Variants in STK33 observed in about 807,000 individuals in gnomAD.
STK33 encodes serine/threonine-protein kinase 33.
STK33 carries 52 observed loss-of-function variants against 58.0 expected under a neutral mutation model. The observed-to-expected ratio is 0.90, with a 90% CI of 0.72 to 1.13. The LOEUF (loss-of-function observed/expected upper bound fraction) is 1.13. Ranked by LOEUF, STK33 falls within the 50% of genes most tolerant of loss-of-function variation. The probability of loss-of-function intolerance (pLI) is 0.00; values close to 1 mark genes in which losing one functional copy is unlikely to be tolerated. For synonymous variants in STK33, 215 were observed against 200.1 expected (o/e 1.07, Z -0.63); for missense variants, 630 against 604.2 (o/e 1.04, Z -0.45).
intron 14 of STK33, among the ~76,000 whole-genome samples, chr11:8,430,592 G>A (rs1338084663): frequency 6.6e-6 from 1 of 152,130 alleles, no homozygotes; most frequent in South Asian, 2.1e-4. Context: ...TTGCTTAAAA[G>A]AATAATAGCT....
Position 8,571,572 on chromosome 11 carries a change from G to A in STK33, c.-466+22511C>T, listed in dbSNP as rs542126086. Among the ~76,000 whole-genome samples the A allele has an allele frequency of 9.9e-5, 15 of 152,242 alleles. No homozygotes were observed. In the East Asian group the frequency reaches 2.3e-3, roughly 24 times the overall value. ...AATGGGGCCAGGCATGGTGGCTCAC[G>A]CCTGTAATCCCAACACTTTGGGAGG... On this transcript the variant is annotated intron_variant, in intron 1 of 15. Coordinates refer to ENST00000687296, the MANE Select transcript of STK33 (RefSeq NM_001352389.2).
intron 1 of STK33, among the ~76,000 whole-genome samples, chr11:8,488,033 C>A (rs954735652): frequency 6.6e-6 from 1 of 152,138 alleles, no homozygotes; most frequent in African/African-American, 2.4e-5. Flanking sequence ...AGCTTAACAG[C>A]TACTGGAGAA....
chr11:8,544,298 T>A (rs1452785567), intron 1 of STK33, among the ~76,000 whole-genome samples: 5 of 129,016 alleles, frequency 3.9e-5, no homozygotes, highest in South Asian at 2.7e-4. Context: ...AGTGGAAATT[T>A]TATATATATA....
chr11:8,340,148 T>C, the STK33 span, among the ~76,000 whole-genome samples: 2 of 151,780 alleles, frequency 1.3e-5, no homozygotes, highest in Non-Finnish European at 2.9e-5. Flanking sequence ...ATTGCTTCTA[T>C]TTGAGCAAAC....
the STK33 span, among the ~76,000 whole-genome samples, chr11:8,358,835 T>G: frequency 6.6e-6 from 1 of 152,226 alleles, no homozygotes; most frequent in Non-Finnish European, 1.5e-5. Flanking sequence ...TCGTAATACC[T>G]TCCCACATAG....
chr11:8,469,686 T>A (rs74483395), intron 6 of STK33, among the ~76,000 whole-genome samples: 4 of 152,232 alleles, frequency 2.6e-5, no homozygotes, highest in African/African-American at 9.6e-5. Flanking sequence ...TATAACCTTA[T>A]GAAATTTATC....
At chr11:8,554,715 A>T (rs1238899281) in intron 1 of STK33, among the ~76,000 whole-genome samples, 1 of 152,088 alleles carries the variant, frequency 6.6e-6, no homozygotes, top group Non-Finnish European at 1.5e-5. Context: ...AAAAAAACTA[A>T]AAACATCACT....
At chr11:8,464,912 G>A (rs1278873719) in intron 6 of STK33, 90 bp from the exon 7 acceptor site, 5 of 749,312 alleles carry the variant, frequency 6.7e-6, no homozygotes, top group South Asian at 2.0e-5. Flanking sequence ...CTCACCCAAG[G>A]GAAAAGAGAT....
At chr11:8,492,918 T>C (rs1374318296) in intron 1 of STK33, among the ~76,000 whole-genome samples, 2 of 152,102 alleles carry the variant, frequency 1.3e-5, no homozygotes, top group South Asian at 2.1e-4. Flanking sequence ...AGACAAAACG[T>C]ACCAGAATCT....
chr11:8,400,883 A>G (rs1937761641), intron 15 of STK33, among the ~76,000 whole-genome samples: 1 of 152,114 alleles, frequency 6.6e-6, no homozygotes, highest in African/African-American at 2.4e-5. Flanking sequence ...GCTTCAGATA[A>G]TAAAATACCT....
chr11:8,392,608 C>T lies in STK33; in HGVS notation c.1447G>A (p.Gly483Arg), dbSNP rs752438491. ...GTCACAGGGGTTTTCTCCATTTCTC[C>T]CTTGATTTCAGCTGGAAGGAGTTTG... ...SSKLLPAEIK[G>R]EMEKTPVTPS... Residue 483 changes from glycine (G) to arginine (R), a missense_variant, in exon 16 of 16, where the codon GGA (glycine) becomes AGA (arginine). Physicochemically the swap from Gly to Arg is moderately radical, Grantham distance 125. Transcript: ENST00000687296. The T allele has an allele frequency of 6.2e-7, 1 of 1,614,186 alleles. No homozygotes were observed. The highest frequency in any genetic ancestry group is 8.5e-7 in the Non-Finnish European group (1 of 1,180,036).
At chr11:8,572,742 C>T (rs1180218323) in intron 1 of STK33, among the ~76,000 whole-genome samples, 1 of 151,502 alleles carries the variant, frequency 6.6e-6, no homozygotes, top group African/African-American at 2.4e-5. Context: ...TTTTAAATGA[C>T]CCAAATGGAA....
intron 1 of STK33, among the ~76,000 whole-genome samples, chr11:8,519,919 G>C (rs1407526357): frequency 6.6e-6 from 1 of 152,190 alleles, no homozygotes; most frequent in Non-Finnish European, 1.5e-5. Context: ...GAGGTACAAA[G>C]AGGAGCTGGT....
the STK33 span, among the ~76,000 whole-genome samples, chr11:8,373,615 C>T: frequency 6.6e-6 from 1 of 152,112 alleles, no homozygotes; most frequent in Non-Finnish European, 1.5e-5. Context: ...GCCCAGATGG[C>T]TCTACTGGTC....
At chr11:8,519,525 A>G (rs1282108628) in intron 1 of STK33, among the ~76,000 whole-genome samples, 1 of 152,136 alleles carries the variant, frequency 6.6e-6, no homozygotes, top group Non-Finnish European at 1.5e-5. Flanking sequence ...GACACAAAAA[A>G]CCCTTCAAAA....
At chr11:8,500,667 T>C in intron 1 of STK33, among the ~76,000 whole-genome samples, 1 of 152,170 alleles carries the variant, frequency 6.6e-6, no homozygotes. Context: ...TACCTATTTG[T>C]AGAAATTGAC....
chr11:8,524,591 G>C (rs754145667), intron 1 of STK33, among the ~76,000 whole-genome samples: 1 of 152,034 alleles, frequency 6.6e-6, no homozygotes, highest in Non-Finnish European at 1.5e-5. Context: ...CAATGTTTAA[G>C]GTTAGAAGTG....
intron 1 of STK33, among the ~76,000 whole-genome samples, chr11:8,509,948 A>G (rs1952176205): frequency 6.6e-6 from 1 of 152,194 alleles, no homozygotes; most frequent in Admixed American, 6.5e-5. Context: ...GCAATTAAGA[A>G]TTATGCTGCT....
At chr11:8,380,610 T>C in the STK33 span, among the ~76,000 whole-genome samples, 1 of 148,790 alleles carries the variant, frequency 6.7e-6, no homozygotes, top group Non-Finnish European at 1.5e-5. Flanking sequence ...AAAGTGGGCA[T>C]GTGGTGAAAA....
Sources: allele counts gnomAD v4.1 joint callset (sites outside exome capture counted in the v4.1 genomes callset), GRCh38; gene constraint gnomAD v4.1.1; transcripts MANE v1.5; gene names NCBI Gene and HGNC (gene_info 2026-07-23, HGNC 2026-07-21).